The following SYDE1 variants were observed in gnomAD, a reference collection of about 807,000 sequenced individuals.
SYDE1 encodes the protein rho GTPase-activating protein SYDE1.
SYDE1 carries 34 observed loss-of-function variants against 63.3 expected under a neutral mutation model. The ratio of observed to expected loss-of-function variants is 0.54; its 90% CI spans 0.41 to 0.71. SYDE1 has a LOEUF of 0.71. Among genes scored for constraint, SYDE1 ranks in the 30% least tolerant of loss-of-function variants. The pLI is 0.00. For synonymous variants in SYDE1, 467 were observed against 473.4 expected (o/e 0.99, Z 0.18); for missense variants, 925 against 1,042.5 (o/e 0.89, Z 1.55).
rs558656737 is a variant in SYDE1 at position 15,110,099 on chromosome 19, G to A, written c.826G>A (p.Gly276Arg). ...GRLSLHLYGL[G>R]GLRPAPGATP... ...CCTCAGCCTGCACCTGTACGGTCTC[G>A]GGGGGCTGCGGCCAGCGCCGGGGGC... Residue 276 changes from glycine to arginine, a missense_variant, in exon 3 of 8, where the codon GGG becomes AGG. By Grantham distance (125) the Gly-to-Arg change is moderately radical (BLOSUM62 -2). Transcript: ENST00000342784. This position sits in a 1 kb window ranked among gnomAD's most constrained non-coding sequence, Gnocchi z 6.9. The A allele has an allele frequency of 7.3e-5, 104 of 1,426,838 alleles. No homozygotes were observed. In the African/African-American group the frequency reaches 1.0e-3, roughly 14 times the overall value. 88.4% of individuals were successfully genotyped at this position (1,426,838 alleles called of 1,614,324 possible).
rs774042409 is a variant in SYDE1, at chr19:15,113,670, G to A, written c.1915G>A (p.Gly639Ser). The A allele has an allele frequency of 1.5e-5, 25 of 1,613,014 alleles. No individual in the cohort carries two copies. Among genetic ancestry groups the A allele is most frequent in the Non-Finnish European group, 2.1e-5 (25 of 1,179,768 alleles). Residue 639 changes from glycine to serine, a missense_variant, in exon 8 of 8, where the codon GGT (glycine) becomes AGT (serine). Physicochemically the swap from Gly to Ser is moderately conservative, Grantham distance 56. Transcript: ENST00000342784. ...ADPEVVTRPRGRGGPESPPSN... is the reference protein window; with the variant it reads ...ADPEVVTRPRSRGGPESPPSN... ...CCCCGAAGTGGTGACTCGGCCCCGC[G>A]GTCGAGGAGGCCCCGAAAGCCCCCC...
At position 15,110,409 on chromosome 19, in the gene SYDE1, C is replaced by CCG. The variant is rs1330033230; in HGVS notation, c.1075+61_1075+62insCG. On this transcript the variant is annotated intron_variant, in intron 3 of 7. Transcript: ENST00000342784. The surrounding 1 kb of genome is among the most constrained non-coding windows in gnomAD (Gnocchi z 6.9). Reference sequence around the variant, plus strand: ...ACCCCCAAACCCCACCGCCACCCCCCGCAGAGTGCCTAGGGGGCTGGGCTC... The same window carrying CCG: ...ACCCCCAAACCCCACCGCCACCCCCCCGGCAGAGTGCCTAGGGGGCTGGGCTC... The CCG allele has an allele frequency of 2.1e-6, 3 of 1,452,822 alleles. No individual in the cohort carries two copies. Among genetic ancestry groups the CCG allele is most frequent in the Non-Finnish European group, 2.7e-6 (3 of 1,101,072 alleles). The allele number at this position is 1,452,822 out of a possible 1,614,324, so 90.0% of individuals were successfully genotyped here.
Position 15,109,208 on chromosome 19 carries a change from C to G in SYDE1, c.241C>G (p.Arg81Gly), listed in dbSNP as rs779330187. Residue 81 changes from arginine to glycine, a missense_variant, in exon 2 of 8, where the codon CGC becomes GGC. Arg to Gly is a moderately radical substitution (Grantham distance 125). Around this residue, in one of 3 missense-constraint regions of SYDE1, gnomAD observed 599 missense variants for 653.7 expected, o/e 0.92. Transcript: ENST00000342784. This position sits in a 1 kb window ranked among gnomAD's most constrained non-coding sequence, Gnocchi z 5.0. Reference protein sequence around the residue: ...AYLQSLEPSSRRWVLGGAKPA... With the variant: ...AYLQSLEPSSGRWVLGGAKPA... ...CCTGCAAAGCCTGGAGCCCAGTAGC[C>G]GCCGATGGGTGCTGGGTGGGGCCAA... The G allele has an allele frequency of 6.4e-7, 1 of 1,568,902 alleles. No homozygotes were observed. Among genetic ancestry groups the G allele is most frequent in the South Asian group, 1.2e-5 (1 of 85,830 alleles).
At chr19:15,107,560 C>T in intron 1 of SYDE1, 39 bp downstream of exon 1, 1 of 1,487,918 alleles carries the variant, frequency 6.7e-7, no homozygotes, top group Non-Finnish European at 9.1e-7. Flanking sequence ...GCGCCGAGCC[C>T]CACCCGGCCT....
In SYDE1 at chr19:15,112,436, T is replaced by C. The variant is rs372955393; in HGVS notation, c.1669T>C (p.Phe557Leu). ...GACCCCACAGAACTTGGCCGTGTGC[T>C]TCGGGCCTGTGCTGCTGCCGGCACG... ...RMTPQNLAVC[F>L]GPVLLPARQA... Residue 557 changes from phenylalanine to leucine, a missense_variant, in exon 7 of 8, where the codon TTC becomes CTC. By Grantham distance (22) the Phe-to-Leu change is conservative (BLOSUM62 0). This residue lies in a region of SYDE1 where 255 missense variants were observed against 255.9 expected (regional missense o/e 1.00). Coordinates refer to ENST00000342784, the MANE Select transcript of SYDE1 (RefSeq NM_033025.6). The C allele has an allele frequency of 5.0e-6, 8 of 1,602,026 alleles. No homozygotes were observed. The highest frequency in any genetic ancestry group is 6.0e-6 in the Non-Finnish European group (7 of 1,174,838).
In SYDE1 at chr19:15,112,669, G is replaced by A. The variant is rs936257314; in HGVS notation, c.1804+98G>A. ...ATCAGTGTCTTAGGCTTGAAGCTAC[G>A]CCCCCTCATGGAGTAAACTGGTACC... On this transcript the variant is annotated intron_variant, in intron 7 of 7. Coordinates refer to ENST00000342784, the MANE Select transcript of SYDE1 (RefSeq NM_033025.6). The A allele has an allele frequency of 8.7e-5, 92 of 1,058,460 alleles. No individual in the cohort carries two copies. The South Asian group carries it at 1.0e-3, about 12-fold the overall frequency. The allele number at this position is 1,058,460 out of a possible 1,614,324, so 65.6% of individuals were successfully genotyped here.
In SYDE1 at chr19:15,110,862, G is replaced by A. The variant is rs1473727794; in HGVS notation, c.1290+127G>A. 1.2e-6 allele frequency: 1 copy of A among 833,734 alleles called. No individual in the cohort carries two copies. The highest frequency in any genetic ancestry group is 1.8e-6 in the Non-Finnish European group (1 of 553,178). The allele number at this position is 833,734 out of a possible 1,614,324, so 51.6% of individuals were successfully genotyped here. Reference sequence around the variant, plus strand: ...CACTCCTAGCTCCAATCCCAACCTAGACAAGGGCAGAAGGCGCCCCCTTGA... The same window carrying A: ...CACTCCTAGCTCCAATCCCAACCTAAACAAGGGCAGAAGGCGCCCCCTTGA... On this transcript the variant is annotated intron_variant, in intron 4 of 7. Coordinates refer to ENST00000342784, the MANE Select transcript of SYDE1 (RefSeq NM_033025.6). The surrounding 1 kb of genome is among the most constrained non-coding windows in gnomAD (Gnocchi z 6.9).
At position 15,112,430 on chromosome 19, in the gene SYDE1, G is replaced by A. The variant is rs747014146; in HGVS notation, c.1663G>A (p.Val555Met). Residue 555 changes from valine to methionine, a missense_variant, in exon 7 of 8, where the codon GTG (valine) becomes ATG (methionine). Coordinates refer to ENST00000342784, the MANE Select transcript of SYDE1 (RefSeq NM_033025.6). ...YNRMTPQNLA[V>M]CFGPVLLPAR... ...CCGCATGACCCCACAGAACTTGGCC[G>A]TGTGCTTCGGGCCTGTGCTGCTGCC... is the stretch of plus-strand genomic sequence containing the variant. The A allele has an allele frequency of 2.4e-5, 39 of 1,601,222 alleles. No homozygotes were observed. The highest frequency in any genetic ancestry group is 2.9e-5 in the Non-Finnish European group (34 of 1,174,362).
Position 15,110,145 on chromosome 19 carries a change from G to GC in SYDE1, c.874dup (p.Leu292ProfsTer101). On this transcript the variant is annotated frameshift_variant, in exon 3 of 8. Coordinates refer to ENST00000342784, the MANE Select transcript of SYDE1 (RefSeq NM_033025.6). LOFTEE classifies it high-confidence loss of function. This position sits in a 1 kb window ranked among gnomAD's most constrained non-coding sequence, Gnocchi z 6.9. Reference sequence around the variant, plus strand: ...GGGGCCACCCCCAGGGACCTCTGCTGCCTACTGCAAGTGGATGGGGAGGCC... The same window carrying GC: ...GGGGCCACCCCCAGGGACCTCTGCTGCCCTACTGCAAGTGGATGGGGAGGCC... 1 of 1,409,300 alleles carries GC rather than the reference G, an allele frequency of 7.1e-7. No individual in the cohort carries two copies. The highest frequency in any genetic ancestry group is 1.5e-5 in the African/African-American group (1 of 66,390). The allele number at this position is 1,409,300 out of a possible 1,614,324, so 87.3% of individuals were successfully genotyped here. A position where few individuals can be genotyped will look rare whatever the true frequency, so the allele number is the denominator to read the frequency against.
Position 15,112,417 on chromosome 19 carries a change from A to C in SYDE1, c.1650A>C (p.Pro550=). ...SSFHAYNRMT[P]QNLAVCFGPV... is the part of the protein sequence containing the mutation. ...TCCATGCCTACAACCGCATGACCCCACAGAACTTGGCCGTGTGCTTCGGGC... is the reference window on the plus strand; with the variant it reads ...TCCATGCCTACAACCGCATGACCCCCCAGAACTTGGCCGTGTGCTTCGGGC... The change falls in exon 7 of 8, where the codon CCA becomes CCC. Residue 550 remains proline (P), a synonymous_variant. Coordinates refer to ENST00000342784, the MANE Select transcript of SYDE1 (RefSeq NM_033025.6). The C allele has an allele frequency of 6.2e-7, 1 of 1,601,342 alleles. No individual in the cohort carries two copies. The highest frequency in any genetic ancestry group is 1.1e-5 in the South Asian group (1 of 88,760).
chr19:15,110,553 G>C lies in SYDE1; in HGVS notation c.1108G>C (p.Glu370Gln). The C allele has an allele frequency of 6.3e-7, 1 of 1,595,988 alleles. No individual in the cohort carries two copies. The highest frequency in any genetic ancestry group is 8.5e-7 in the Non-Finnish European group (1 of 1,173,948). The change falls in exon 4 of 8, where the codon GAG (glutamate) becomes CAG (glutamine). Residue 370 changes from glutamate (E) to glutamine (Q), a missense_variant. Glu to Gln is a conservative substitution (Grantham distance 29). This residue lies in a region of SYDE1 where 599 missense variants were observed against 653.7 expected (regional missense o/e 0.92). Coordinates refer to ENST00000342784, the MANE Select transcript of SYDE1 (RefSeq NM_033025.6). The surrounding 1 kb of genome is among the most constrained non-coding windows in gnomAD (Gnocchi z 6.9). ...GGCCCAACAGCTGGCCGTGCGCCTG[G>C]AGCCTCAGGGGCTGCTGTATGCCAA... Reference protein sequence around the residue: ...CQAQQLAVRLEPQGLLYAKLT... With the variant: ...CQAQQLAVRLQPQGLLYAKLT...
chr19:15,108,950 G>A lies in SYDE1; in HGVS notation c.89-106G>A. The A allele has an allele frequency of 7.1e-7, 1 of 1,405,432 alleles. No individual in the cohort carries two copies. The highest frequency in any genetic ancestry group is 9.2e-7 in the Non-Finnish European group (1 of 1,082,974). The allele number at this position is 1,405,432 out of a possible 1,614,324, so 87.1% of individuals were successfully genotyped here. ...TCCAAGGAACCATGACTTATCAGGG[G>A]CCGGCCAGGGCCGTACACAGCATCC... On this transcript the variant is annotated intron_variant, in intron 1 of 7. Transcript: ENST00000342784. The surrounding 1 kb of genome is among the most constrained non-coding windows in gnomAD (Gnocchi z 4.3).
In SYDE1 at chr19:15,112,575, A is replaced by G. The variant is rs1341898363; in HGVS notation, c.1804+4A>G. The stretch of plus-strand genomic sequence containing the variant: ...TACCTGCTGCAGTCTTGGCCAGGTG[A>G]GTTCATGCCCAGGGCCTGCACCACC... On this transcript the variant is annotated splice_donor_region_variant and intron_variant, in intron 7 of 7. Coordinates refer to ENST00000342784, the MANE Select transcript of SYDE1 (RefSeq NM_033025.6). 6.4e-7 allele frequency: 1 copy of G among 1,561,346 alleles called. No homozygotes were observed. Among genetic ancestry groups the G allele is most frequent in the Non-Finnish European group, 8.7e-7 (1 of 1,150,498 alleles).
intron 1 of SYDE1, among the ~76,000 whole-genome samples, 173 bp downstream of exon 1, chr19:15,107,694 T>A (rs540001958): frequency 1.4e-5 from 1 of 73,256 alleles, no homozygotes; most frequent in South Asian, 4.8e-4. Context: ...AGGAAGGGGC[T>A]GGGAGGGAGG....
At position 15,113,639 on chromosome 19, in the gene SYDE1, G is replaced by A; in HGVS notation, c.1884G>A (p.Leu628=). ...GACAGCCACCTCTGCACCTGCCGCT[G>A]GCAGACCCCGAAGTGGTGACTCGGC... The part of the protein sequence containing the change: ...PKRQPPLHLP[L]ADPEVVTRPR... The change falls in exon 8 of 8, where the codon CTG becomes CTA. Residue 628 remains leucine, a synonymous_variant. Transcript: ENST00000342784. 1 of 1,611,932 alleles carries A rather than the reference G, an allele frequency of 6.2e-7. No individual in the cohort carries two copies. Among genetic ancestry groups the A allele is most frequent in the African/African-American group, 1.3e-5 (1 of 75,020 alleles).
rs1223965690 is a variant in SYDE1, at chr19:15,111,293, C to T, written c.1291-20C>T. The stretch of plus-strand genomic sequence containing the variant: ...TGTGGCCCCGGCAAGAAGACATTCA[C>T]TCTCTCTTCCCACCCCCAGGTAGTG... On this transcript the variant is annotated intron_variant, in intron 4 of 7. Coordinates refer to ENST00000342784, the MANE Select transcript of SYDE1 (RefSeq NM_033025.6). This position sits in a 1 kb window ranked among gnomAD's most constrained non-coding sequence, Gnocchi z 5.5. The T allele has an allele frequency of 1.2e-6, 2 of 1,613,510 alleles. No homozygotes were observed. Among genetic ancestry groups the T allele is most frequent in the South Asian group, 1.1e-5 (1 of 91,050 alleles).
In SYDE1 at chr19:15,113,794, G is replaced by T. The variant is rs1470028084; in HGVS notation, c.2039G>T (p.Gly680Val). 4 of 1,614,036 alleles carry T rather than the reference G, an allele frequency of 2.5e-6. No homozygotes were observed. Among genetic ancestry groups the T allele is most frequent in the South Asian group, 2.2e-5 (2 of 91,092 alleles). The change falls in exon 8 of 8, where the codon GGC (glycine) becomes GTC (valine). Residue 680 changes from glycine to valine, a missense_variant. Coordinates refer to ENST00000342784, the MANE Select transcript of SYDE1 (RefSeq NM_033025.6). The stretch of plus-strand genomic sequence containing the variant: ...GGGCCAGACTACGACCACGTGACGG[G>T]CAGTGACAGCGAGGACGAGGACGAG... ...LSGPDYDHVT[G>V]SDSEDEDEEV...
Position 15,109,372 on chromosome 19 carries a change from TGA to T in SYDE1, c.407_408del (p.Glu136ValfsTer256). 1 of 1,569,324 alleles carries T rather than the reference TGA, an allele frequency of 6.4e-7. No individual in the cohort carries two copies. Among genetic ancestry groups the T allele is most frequent in the Non-Finnish European group, 8.6e-7 (1 of 1,157,830 alleles). ...EPPGPQPGSA[E>X]SEGLAPQGAA... ...CCCCGGGGCCACAGCCTGGCTCAGC[TGA>T]GTCAGAGGGCCTGGCCCCCCAAGGT... On this transcript the variant is annotated frameshift_variant, in exon 2 of 8. Transcript: ENST00000342784. LOFTEE classifies it high-confidence loss of function. This position sits in a 1 kb window ranked among gnomAD's most constrained non-coding sequence, Gnocchi z 5.0.
chr19:15,111,810 G>A lies in SYDE1; in HGVS notation c.1578+18G>A, dbSNP rs2046347739. 2 of 1,553,594 alleles carry A rather than the reference G, an allele frequency of 1.3e-6. No homozygotes were observed. Reference sequence around the variant, plus strand: ...TGGAAAGGGTGAGTTGGGCCTGGTGGGAGTGATGGGACTTGAGAGTGGGCT... The same window carrying A: ...TGGAAAGGGTGAGTTGGGCCTGGTGAGAGTGATGGGACTTGAGAGTGGGCT... On this transcript the variant is annotated intron_variant, in intron 6 of 7. Transcript: ENST00000342784. The surrounding 1 kb of genome is among the most constrained non-coding windows in gnomAD (Gnocchi z 5.5).
Sources: allele counts gnomAD v4.1 joint callset (sites outside exome capture counted in the v4.1 genomes callset), GRCh38; gene constraint gnomAD v4.1.1; regional missense constraint gnomAD v4.1.1; non-coding constraint Gnocchi (gnomAD v3.1); transcripts MANE v1.5; gene names NCBI Gene and HGNC (gene_info 2026-07-23, HGNC 2026-07-21).